Variants in ZNF536 observed in about 807,000 individuals in gnomAD.
ZNF536 encodes the protein zinc finger protein 536.
In ZNF536, 13 loss-of-function variants were observed where a neutral mutation model predicts 84.5. The observed-to-expected ratio is 0.15, with a 90% CI of 0.10 to 0.24. The LOEUF is 0.24. Ranked by LOEUF, ZNF536 falls within the 10% of genes least tolerant of loss-of-function variation. The pLI is 1.00. For synonymous variants in ZNF536, 811 were observed against 742.5 expected (o/e 1.09, Z -1.50); for missense variants, 1,536 against 1,747.5 (o/e 0.88, Z 2.16).
chr19:30,703,346 T>C (rs10413544), intron 1 of ZNF536, among the ~76,000 whole-genome samples: 55,017 of 151,906 alleles, frequency 0.36, 10,342 homozygotes, highest in East Asian at 0.57. Context: ...TCCCCATCAC[T>C]TGTACAATAT....
intron 2 of ZNF536, among the ~76,000 whole-genome samples, chr19:30,497,262 A>G (rs1365209944): frequency 6.6e-6 from 1 of 152,032 alleles, no homozygotes; most frequent in East Asian, 1.9e-4. Context: ...GGTAATGATC[A>G]CTCTGCCGGT....
At chr19:30,493,457 TAGCACAG>T (rs2054592454) in intron 2 of ZNF536, among the ~76,000 whole-genome samples, 1 of 152,208 alleles carries the variant, frequency 6.6e-6, no homozygotes, top group East Asian at 1.9e-4. Flanking sequence ...TTGTTTTACT[TAGCACAG>T]AAATTGAAAA....
At chr19:30,649,910 T>TAAAA (rs34573085) in intron 1 of ZNF536, among the ~76,000 whole-genome samples, 23 of 149,508 alleles carry the variant, frequency 1.5e-4, no homozygotes, top group African/African-American at 5.1e-4. Flanking sequence ...TAATCTTAAC[T>TAAAA]AAAAAAAAAA....
chr19:30,670,361 A>G lies in ZNF536; in HGVS notation c.170-40396A>G, dbSNP rs565610804. 3.9e-5 allele frequency among the ~76,000 whole-genome samples: 6 copies of G among 152,258 alleles called. No homozygotes were observed. The East Asian group carries it at 1.2e-3, about 29-fold the overall frequency. ...GTGGCCTTGGAAAACTGTGGCATTC[A>G]TTTGGGCTGGGTGTTCTGCCTGTGA... On this transcript the variant is annotated intron_variant, in intron 1 of 1. Transcript: ENST00000592773.
At chr19:30,676,928 A>T (rs1387275632) in intron 1 of ZNF536, among the ~76,000 whole-genome samples, 1 of 151,114 alleles carries the variant, frequency 6.6e-6, no homozygotes, top group Non-Finnish European at 1.5e-5. Flanking sequence ...CTGGTCTCAA[A>T]CTCCTGGCCT....
intron 1 of ZNF536, among the ~76,000 whole-genome samples, chr19:30,574,873 T>G (rs2046675348): frequency 6.6e-6 from 1 of 152,150 alleles, no homozygotes; most frequent in South Asian, 2.1e-4. Flanking sequence ...CCTATTCGAT[T>G]TTTTTTTAAA....
chr19:30,679,986 T>C (rs2050901294), intron 1 of ZNF536, among the ~76,000 whole-genome samples: 1 of 151,678 alleles, frequency 6.6e-6, no homozygotes, highest in Non-Finnish European at 1.5e-5. Flanking sequence ...GTCTCCACTG[T>C]ACGCCCTGGG....
chr19:30,436,756 G>A (rs916223638), intron 1 of ZNF536, among the ~76,000 whole-genome samples: 3 of 152,216 alleles, frequency 2.0e-5, no homozygotes, highest in Non-Finnish European at 4.4e-5. Context: ...AAGAAAGCAA[G>A]GTGGGCTTCA....
intron 1 of ZNF536, among the ~76,000 whole-genome samples, chr19:30,570,616 A>G (rs1480608965): frequency 6.6e-6 from 1 of 152,230 alleles, no homozygotes; most frequent in East Asian, 1.9e-4. Context: ...TTTCAGCGCC[A>G]CTGAGAACTA....
At position 30,583,370 on chromosome 19, in the gene ZNF536, T is replaced by C. The variant is rs111560937; in HGVS notation, c.169+33856T>C. Among the ~76,000 whole-genome samples, 781 of 152,326 alleles carry C rather than the reference T, an allele frequency of 5.1e-3. 7 individuals are homozygous for C. The highest frequency in any genetic ancestry group is 0.018 in the African/African-American group (738 of 41,568). ...GCCCCGGGTGGCTCCAACAGAGATCTTTCTGTCTGGCTGCAGTGCAGGGAG... is the reference window on the plus strand; with the variant it reads ...GCCCCGGGTGGCTCCAACAGAGATCCTTCTGTCTGGCTGCAGTGCAGGGAG... On this transcript the variant is annotated intron_variant, in intron 1 of 1. Transcript: ENST00000592773.
chr19:30,349,073 T>G (rs1344057200), intron 2 of ZNF536, among the ~76,000 whole-genome samples: 2 of 152,214 alleles, frequency 1.3e-5, no homozygotes, highest in Middle Eastern at 3.2e-3. Context: ...CTGCCTCAAG[T>G]GCTGAGTTGG....
chr19:30,340,392 T>C (rs1452245199), intron 2 of ZNF536, among the ~76,000 whole-genome samples: 1 of 152,186 alleles, frequency 6.6e-6, no homozygotes, highest in African/African-American at 2.4e-5. Flanking sequence ...GCCCAGCCCC[T>C]GGACTCCCCC....
chr19:30,239,014 G>A (rs967393328), intron 1 of ZNF536, among the ~76,000 whole-genome samples: 8 of 152,224 alleles, frequency 5.3e-5, no homozygotes, highest in Middle Eastern at 3.4e-3. Context: ...GTGGGGAGTC[G>A]AACAGAGCTC....
At chr19:30,231,307 G>T (rs895739458) in intron 1 of ZNF536, among the ~76,000 whole-genome samples, 2 of 152,206 alleles carry the variant, frequency 1.3e-5, no homozygotes, top group Non-Finnish European at 2.9e-5. Flanking sequence ...CTTAGATTTC[G>T]GCTGGAAGGA....
chr19:30,601,570 C>A (rs938747525), intron 1 of ZNF536, among the ~76,000 whole-genome samples: 1 of 152,166 alleles, frequency 6.6e-6, no homozygotes, highest in Non-Finnish European at 1.5e-5. Flanking sequence ...TCAGAAGGAA[C>A]CTATAGATGC....
At chr19:30,240,939 G>T (rs2023898741) in intron 1 of ZNF536, among the ~76,000 whole-genome samples, 2 of 152,212 alleles carry the variant, frequency 1.3e-5, no homozygotes, top group Non-Finnish European at 2.9e-5. Flanking sequence ...ACTGTTTGGG[G>T]TCCTGGGGAC....
intron 3 of ZNF536, among the ~76,000 whole-genome samples, chr19:30,543,926 C>G (rs188450126): frequency 6.6e-6 from 1 of 152,304 alleles, no homozygotes; most frequent in Admixed American, 6.5e-5. Flanking sequence ...TGGCTAGAAA[C>G]ATGCCCTGGC....
intron 1 of ZNF536, among the ~76,000 whole-genome samples, chr19:30,584,625 GCT>G (rs1487286941): frequency 6.6e-6 from 1 of 152,176 alleles, no homozygotes; most frequent in African/African-American, 2.4e-5. Flanking sequence ...TTCGGGATTA[GCT>G]CTCTTTTTCT....
upstream of ZNF536, among the ~76,000 whole-genome samples, chr19:30,367,475 C>T (rs1394026555): frequency 6.6e-6 from 1 of 152,234 alleles, no homozygotes; most frequent in Admixed American, 6.5e-5. Context: ...AGAAATGCAC[C>T]TGGAGTCCCT....
Sources: gnomAD v4.1 joint callset for allele counts (sites outside exome capture counted in the v4.1 genomes callset) on GRCh38, gnomAD v4.1.1 for gene constraint, MANE v1.5 for transcripts, NCBI Gene and HGNC (gene_info 2026-07-23, HGNC 2026-07-21) for gene names.